EEPD1: variants seen among roughly 807,000 people sequenced by gnomAD.
The protein encoded by EEPD1 is endonuclease/exonuclease/phosphatase family domain containing 1.
A neutral mutation model predicts 46.3 loss-of-function variants in EEPD1; 17 were observed. The observed-to-expected ratio is 0.37, with a 90% CI of 0.25 to 0.55. EEPD1 has a LOEUF of 0.55. EEPD1 is among the 20% of genes least tolerant of loss of function. The probability of loss-of-function intolerance (pLI) is 0.83; values close to 1 mark genes in which losing one functional copy is unlikely to be tolerated. For missense variants in EEPD1, 673 were observed against 745.6 expected, an observed-to-expected ratio of 0.90 and a Z score of 1.13; for synonymous variants, 313 against 315.6, an observed-to-expected ratio of 0.99 and a Z score of 0.09.
chr7:36,271,038 GT>G (rs1468509163), intron 3 of EEPD1, among the ~76,000 whole-genome samples: 4 of 151,688 alleles, frequency 2.6e-5, no homozygotes, highest in Admixed American at 2.6e-4. Context: ...CCAGGCTGGA[GT>G]GCAGTGGCGC....
intron 2 of EEPD1, among the ~76,000 whole-genome samples, chr7:36,236,247 G>A (rs1010222904): frequency 6.6e-6 from 1 of 152,238 alleles, no homozygotes; most frequent in African/African-American, 2.4e-5. Flanking sequence ...CTCTGGGGCT[G>A]GCGAGGCCGG....
intron 2 of EEPD1, among the ~76,000 whole-genome samples, chr7:36,158,300 G>T (rs1003369907): frequency 2.0e-5 from 3 of 151,876 alleles, no homozygotes; most frequent in African/African-American, 7.3e-5. Flanking sequence ...CTCTTGGTTA[G>T]ACACCCATCC....
chr7:36,155,742 G>A (rs1259824038), intron 2 of EEPD1, among the ~76,000 whole-genome samples: 1 of 152,062 alleles, frequency 6.6e-6, no homozygotes, highest in African/African-American at 2.4e-5. Context: ...ACCTGGAGTT[G>A]GTTTTCAGCC....
chr7:36,291,271 T>C (rs968845497), intron 6 of EEPD1, among the ~76,000 whole-genome samples: 1 of 152,238 alleles, frequency 6.6e-6, no homozygotes, highest in Non-Finnish European at 1.5e-5. Flanking sequence ...TCCGCTTGTC[T>C]GTTGCTCACA....
intron 2 of EEPD1, among the ~76,000 whole-genome samples, chr7:36,211,731 C>T (rs1785938319): frequency 6.6e-6 from 1 of 152,050 alleles, no homozygotes. Flanking sequence ...TTGAGACCAG[C>T]TTGGCGAACA....
chr7:36,205,710 T>C (rs948271598), intron 2 of EEPD1, among the ~76,000 whole-genome samples: 7 of 152,250 alleles, frequency 4.6e-5, no homozygotes, highest in Non-Finnish European at 8.8e-5. Flanking sequence ...ATTTAACTTT[T>C]GAAAATGGTA....
chr7:36,259,639 A>G (rs1242382217), intron 3 of EEPD1, among the ~76,000 whole-genome samples: 1 of 152,008 alleles, frequency 6.6e-6, no homozygotes, highest in African/African-American at 2.4e-5. Flanking sequence ...CCTCCCAAGT[A>G]GCTGGAATTA....
chr7:36,172,381 G>A (rs1785099985), intron 2 of EEPD1, among the ~76,000 whole-genome samples: 1 of 152,140 alleles, frequency 6.6e-6, no homozygotes, highest in African/African-American at 2.4e-5. Flanking sequence ...GACTGGGTTC[G>A]AGAACTTCCA....
chr7:36,207,347 T>C (rs1333479238), intron 2 of EEPD1, among the ~76,000 whole-genome samples: 1 of 152,122 alleles, frequency 6.6e-6, no homozygotes, highest in Non-Finnish European at 1.5e-5. Context: ...AAATACAGAA[T>C]GAGGAGCTCT....
Position 36,297,820 on chromosome 7 carries a change from T to C in EEPD1, c.1510+633T>C, listed in dbSNP as rs1353596611. Reference sequence around the variant, plus strand: ...CTCTGCAGACTGGTAACCTGCTGAGTCAGGACACAGTCAACAATATGGAAG... The same window carrying C: ...CTCTGCAGACTGGTAACCTGCTGAGCCAGGACACAGTCAACAATATGGAAG... On this transcript the variant is annotated intron_variant, in intron 7 of 7. Transcript: ENST00000242108. 2.0e-5 allele frequency among the ~76,000 whole-genome samples: 3 copies of C among 152,102 alleles called. No individual in the cohort carries two copies. The East Asian group carries it at 5.8e-4, about 29-fold the overall frequency.
chr7:36,196,556 C>G (rs189845616), intron 2 of EEPD1, among the ~76,000 whole-genome samples: 1 of 152,220 alleles, frequency 6.6e-6, no homozygotes, highest in Admixed American at 6.5e-5. Context: ...CGATTGCAGG[C>G]GCGCGCCGCC....
At chr7:36,290,015 A>G (rs542238868) in intron 6 of EEPD1, among the ~76,000 whole-genome samples, 1 of 152,334 alleles carries the variant, frequency 6.6e-6, no homozygotes, top group East Asian at 1.9e-4. Context: ...CAGGCTAAAA[A>G]CAGTCAGAAG....
chr7:36,291,879 C>A (rs771794088), intron 6 of EEPD1, among the ~76,000 whole-genome samples: 6 of 152,236 alleles, frequency 3.9e-5, no homozygotes, highest in Non-Finnish European at 8.8e-5. Flanking sequence ...GGGAATCCCG[C>A]AGAGCCCAGC....
intron 2 of EEPD1, among the ~76,000 whole-genome samples, chr7:36,162,365 G>C (rs937081057): frequency 6.6e-6 from 1 of 152,234 alleles, no homozygotes; most frequent in African/African-American, 2.4e-5. Context: ...GCCTGGGTTG[G>C]CTGGGCACGG....
chr7:36,221,752 A>C (rs1457440071), intron 2 of EEPD1, among the ~76,000 whole-genome samples: 9 of 152,232 alleles, frequency 5.9e-5, no homozygotes, highest in Non-Finnish European at 1.5e-5. Flanking sequence ...AAATATAATA[A>C]CTGTCATTTA....
At chr7:36,268,185 T>C (rs1389554300) in intron 3 of EEPD1, among the ~76,000 whole-genome samples, 1 of 152,162 alleles carries the variant, frequency 6.6e-6, no homozygotes, top group Non-Finnish European at 1.5e-5. Flanking sequence ...GGAGCCTTGC[T>C]CTGTCGCCCA....
At chr7:36,160,676 T>TGGGGGGGGGGGGGGGGGGGGGGGG (rs150571892) in intron 2 of EEPD1, among the ~76,000 whole-genome samples, 2 of 36,552 alleles carry the variant, frequency 5.5e-5, no homozygotes, top group South Asian at 8.7e-4. Flanking sequence ...TGGGAGGTGG[T>TGGGGGGGGGGGGGGGGGGGGGGGG]GGGGGGCGGG....
chr7:36,184,086 G>C (rs1785321239), intron 2 of EEPD1, among the ~76,000 whole-genome samples: 1 of 151,890 alleles, frequency 6.6e-6, no homozygotes, highest in Non-Finnish European at 1.5e-5. Context: ...AATATTTCAG[G>C]TTTTTCCACC....
At chr7:36,166,534 G>A (rs1202084646) in intron 2 of EEPD1, among the ~76,000 whole-genome samples, 1 of 151,762 alleles carries the variant, frequency 6.6e-6, no homozygotes, top group Admixed American at 6.6e-5. Flanking sequence ...TAGCCCTGGC[G>A]ACATAGCGAG....
Sources: gnomAD v4.1 joint callset for allele counts (sites outside exome capture counted in the v4.1 genomes callset) on GRCh38, gnomAD v4.1.1 for gene constraint, MANE v1.5 for transcripts, NCBI Gene and HGNC (gene_info 2026-07-23, HGNC 2026-07-21) for gene names.